The following TEX2 variants were observed in gnomAD, a reference collection of about 807,000 sequenced individuals.
TEX2 encodes testis-expressed protein 2.
A neutral mutation model predicts 106.9 loss-of-function variants in TEX2; 53 were observed. That is an observed-to-expected ratio of 0.50 (90% CI 0.40 to 0.62). The LOEUF is 0.62. Among genes scored for constraint, TEX2 ranks in the 20% least tolerant of loss-of-function variants. The probability of loss-of-function intolerance (pLI) is 0.00; values close to 1 mark genes in which losing one functional copy is unlikely to be tolerated. For synonymous variants in TEX2, 523 were observed against 534.8 expected (o/e 0.98, Z 0.30); for missense variants, 1,207 against 1,379.0 (o/e 0.88, Z 1.98).
At chr17:64,208,696 C>G (rs1198340823) in intron 2 of TEX2, among the ~76,000 whole-genome samples, 1 of 152,142 alleles carries the variant, frequency 6.6e-6, no homozygotes, top group East Asian at 1.9e-4. Flanking sequence ...GTTATCATGG[C>G]TCACTGCAGC....
intron 1 of TEX2, among the ~76,000 whole-genome samples, chr17:64,247,449 T>C (rs139272809): frequency 0.011 from 1,634 of 152,288 alleles, 12 homozygotes; most frequent in Middle Eastern, 0.027. Flanking sequence ...ACAGGACACC[T>C]GGCTAGGATG....
At chr17:64,151,172 G>T (rs1000648845) in intron 10 of TEX2, among the ~76,000 whole-genome samples, 1 of 152,180 alleles carries the variant, frequency 6.6e-6, no homozygotes, top group Non-Finnish European at 1.5e-5. Context: ...GGCGGATTTA[G>T]AACAGTTCTG....
intron 1 of TEX2, among the ~76,000 whole-genome samples, chr17:64,215,768 G>A (rs1459494808): frequency 1.3e-5 from 2 of 152,144 alleles, no homozygotes; most frequent in Non-Finnish European, 2.9e-5. Context: ...TACCACAATC[G>A]ACATTATGTG....
chr17:64,183,005 A>G (rs2031940698), intron 5 of TEX2, among the ~76,000 whole-genome samples: 2 of 151,664 alleles, frequency 1.3e-5, no homozygotes, highest in African/African-American at 4.8e-5. Flanking sequence ...TCCTGAGTTC[A>G]AGCCATTCTT....
chr17:64,154,910 G>A lies in TEX2; in HGVS notation c.2862C>T (p.Gly954=), dbSNP rs1312237182. ...CTGGGGCATCGTCTTCCTCGGAGGAGCCAGCGCTGGAGGATTCCTCATCGC... is the reference window on the plus strand; with the variant it reads ...CTGGGGCATCGTCTTCCTCGGAGGAACCAGCGCTGGAGGATTCCTCATCGC... The part of the protein sequence containing the change: ...ADSDEESSSA[G]SSEEDDAPEP... The change falls in exon 9 of 12, where the codon GGC becomes GGT. Residue 954 remains glycine (G), a synonymous_variant. Coordinates refer to ENST00000584379, the MANE Select transcript of TEX2 (RefSeq NM_001288732.2). 2 of 1,609,566 alleles carry A rather than the reference G, an allele frequency of 1.2e-6. No homozygotes were observed. Among genetic ancestry groups the A allele is most frequent in the East Asian group, 2.2e-5 (1 of 44,514 alleles).
At chr17:64,181,472 CAAAAA>C (rs759988777) in intron 5 of TEX2, among the ~76,000 whole-genome samples, 2 of 25,390 alleles carry the variant, frequency 7.9e-5, no homozygotes, top group African/African-American at 4.9e-4. Flanking sequence ...AAGGCTATCT[CAAAAA>C]AAAAAAAAAA....
chr17:64,232,612 T>C (rs1555634735), intron 1 of TEX2, among the ~76,000 whole-genome samples: 1 of 152,154 alleles, frequency 6.6e-6, no homozygotes. Flanking sequence ...CTAAAGGTAG[T>C]GGGAAGTGAG....
chr17:64,220,653 T>C lies in TEX2; in HGVS notation c.-25-6411A>G, dbSNP rs1598197969. ...AATGCAAATCAAAACCACAATGAGA[T>C]ACCATCTCACACCAGTCAGATGACA... On this transcript the variant is annotated intron_variant, in intron 1 of 11. Coordinates refer to ENST00000584379, the MANE Select transcript of TEX2 (RefSeq NM_001288732.2). Among the ~76,000 whole-genome samples, 4 of 152,272 alleles carry C rather than the reference T, an allele frequency of 2.6e-5. No individual in the cohort carries two copies. In the East Asian group the frequency reaches 7.7e-4, roughly 29 times the overall value.
chr17:64,169,936 G>A (rs1236178431), intron 7 of TEX2, among the ~76,000 whole-genome samples: 1 of 152,240 alleles, frequency 6.6e-6, no homozygotes, highest in Admixed American at 6.5e-5. Flanking sequence ...AAACGTCAGT[G>A]AGAATTCTCT....
intron 2 of TEX2, among the ~76,000 whole-genome samples, chr17:64,207,828 C>T (rs1457844467): frequency 2.0e-5 from 3 of 152,032 alleles, no homozygotes; most frequent in Non-Finnish European, 2.9e-5. Context: ...CTCTGCCTCC[C>T]GGGTTCACGC....
At chr17:64,219,510 A>ATAACATAACATAACATAACATAAC (rs1567951454) in intron 1 of TEX2, among the ~76,000 whole-genome samples, 10 of 99,230 alleles carry the variant, frequency 1.0e-4, no homozygotes, top group African/African-American at 3.4e-4. Context: ...CATCTCATCA[A>ATAACATAACATAACATAACATAAC]ATAAAATAAA....
intron 1 of TEX2, among the ~76,000 whole-genome samples, chr17:64,248,478 C>A (rs2034030966): frequency 6.6e-6 from 1 of 152,188 alleles, no homozygotes; most frequent in Non-Finnish European, 1.5e-5. Flanking sequence ...CCAAGCATAG[C>A]CACTGTTTTC....
intron 6 of TEX2, among the ~76,000 whole-genome samples, chr17:64,173,613 T>C (rs1219671090): frequency 6.6e-6 from 1 of 152,200 alleles, no homozygotes; most frequent in Non-Finnish European, 1.5e-5. Context: ...AGTTTTGAAT[T>C]GGTGTTTGCT....
chr17:64,201,561 C>T (rs546860422), intron 2 of TEX2, among the ~76,000 whole-genome samples: 173 of 152,232 alleles, frequency 1.1e-3, no homozygotes, highest in African/African-American at 4.0e-3. Flanking sequence ...ATTTGCCTTC[C>T]AATGTCTACA....
At chr17:64,150,692 C>A in intron 11 of TEX2, 149 bp downstream of exon 11, 1 of 794,250 alleles carries the variant, frequency 1.3e-6, no homozygotes, top group Non-Finnish European at 1.9e-6. Context: ...GTTTTATTCC[C>A]ATATTTGATC....
chr17:64,253,161 T>C (rs1323474610), intron 1 of TEX2, among the ~76,000 whole-genome samples: 1 of 152,080 alleles, frequency 6.6e-6, no homozygotes, highest in Non-Finnish European at 1.5e-5. Flanking sequence ...ATTATTTATT[T>C]GAGACAGGGT....
intron 1 of TEX2, among the ~76,000 whole-genome samples, chr17:64,243,755 T>TA (rs1555635995): frequency 6.6e-6 from 1 of 152,060 alleles, no homozygotes; most frequent in East Asian, 1.9e-4. Context: ...AGAGAGTTCA[T>TA]AGTGTTCAGA....
intron 5 of TEX2, among the ~76,000 whole-genome samples, chr17:64,187,857 C>T (rs1364097050): frequency 6.6e-6 from 1 of 151,660 alleles, no homozygotes; most frequent in Non-Finnish European, 1.5e-5. Context: ...ACCACCCATC[C>T]AAAATAGCAG....
intron 2 of TEX2, among the ~76,000 whole-genome samples, chr17:64,203,325 T>C (rs782223476): frequency 2.0e-5 from 3 of 152,232 alleles, no homozygotes; most frequent in African/African-American, 7.2e-5. Context: ...CCCTGTATCA[T>C]TGCTTCATCA....
Sources: allele counts gnomAD v4.1 joint callset (sites outside exome capture counted in the v4.1 genomes callset), GRCh38; gene constraint gnomAD v4.1.1; transcripts MANE v1.5; gene names NCBI Gene and HGNC (gene_info 2026-07-23, HGNC 2026-07-21).